The following SYNPR variants were observed in gnomAD, a reference collection of about 807,000 sequenced individuals.
SYNPR encodes synaptoporin.
A neutral mutation model predicts 32.9 loss-of-function variants in SYNPR; 23 were observed. The ratio of observed to expected loss-of-function variants is 0.70; its 90% confidence interval spans 0.50 to 0.99. The LOEUF (loss-of-function observed/expected upper bound fraction) is 0.99. Among genes scored for constraint, SYNPR ranks in the 50% least tolerant of loss-of-function variants. The pLI is 0.00. For synonymous variants in SYNPR, 146 were observed against 135.9 expected (o/e 1.07, Z -0.52); for missense variants, 318 against 349.3 (o/e 0.91, Z 0.71).
chr3:63,510,150 G>T (rs1453386142), intron 3 of SYNPR, among the ~76,000 whole-genome samples: 1 of 152,116 alleles, frequency 6.6e-6, no homozygotes, highest in East Asian at 1.9e-4. Context: ...ACCTTAATTT[G>T]AAAGGATTAT....
At chr3:63,310,998 T>C (rs2086957720) in intron 2 of SYNPR, among the ~76,000 whole-genome samples, 2 of 65,114 alleles carry the variant, frequency 3.1e-5, no homozygotes, top group Non-Finnish European at 9.4e-5. Flanking sequence ...AACACATAGA[T>C]GTCATTTATG....
rs548756997 is a variant in SYNPR at position 63,259,961 on chromosome 3, T to C, written n.155-7356T>C. ...AGAGAGCCAAATCATGAGTGAACTC[T>C]CATTCACAATTTCTTCAAAGAGAAT... On this transcript the variant is annotated intron_variant and non_coding_transcript_variant, in intron 2 of 4. Transcript: ENST00000478456. Among the ~76,000 whole-genome samples, 529 of 152,212 alleles carry C rather than the reference T, an allele frequency of 3.5e-3. 6 individuals are homozygous for C. The highest frequency in any genetic ancestry group is 0.012 in the African/African-American group (501 of 41,518).
chr3:63,250,208 T>C (rs1156807742), intron 1 of SYNPR, among the ~76,000 whole-genome samples: 2 of 152,166 alleles, frequency 1.3e-5, no homozygotes, highest in Non-Finnish European at 1.5e-5. Context: ...CACAAAGGAA[T>C]TGTAAATGTT....
At chr3:63,551,600 ACT>A (rs1480008119) in intron 3 of SYNPR, among the ~76,000 whole-genome samples, 1 of 151,964 alleles carries the variant, frequency 6.6e-6, no homozygotes, top group African/African-American at 2.4e-5. Flanking sequence ...CCAATCTTAT[ACT>A]CTTTCTTTTT....
rs936592719 is a variant in SYNPR at position 63,300,538 on chromosome 3, C to T, written c.84+21796C>T. Among the ~76,000 whole-genome samples, 5 of 152,080 alleles carry T rather than the reference C, an allele frequency of 3.3e-5. No individual in the cohort carries two copies. In the South Asian group the frequency reaches 6.2e-4, roughly 19 times the overall value. On this transcript the variant is annotated intron_variant, in intron 2 of 5. Transcript: ENST00000478300. ...GGTTACTGCATAGCCTTTTCTCCCT[C>T]CCACAGCTGTTGTGAATGTTGACTA...
chr3:63,462,220 C>G (rs72885468), intron 2 of SYNPR, among the ~76,000 whole-genome samples: 2,103 of 152,166 alleles, frequency 0.014, 54 homozygotes, highest in African/African-American at 0.048. Context: ...CTCAAAGAAG[C>G]CTTCCTTGTT....
intron 2 of SYNPR, among the ~76,000 whole-genome samples, chr3:63,398,236 G>GT (rs1359995644): frequency 4.6e-5 from 7 of 152,292 alleles, no homozygotes; most frequent in Admixed American, 2.0e-4. Flanking sequence ...TAGATAGAGC[G>GT]TAAGAGCTGG....
chr3:63,407,044 A>G (rs1389023647), intron 2 of SYNPR, among the ~76,000 whole-genome samples: 2 of 152,170 alleles, frequency 1.3e-5, no homozygotes, highest in Non-Finnish European at 2.9e-5. Context: ...TTATAATTGG[A>G]GGATTGAAAA....
intron 2 of SYNPR, among the ~76,000 whole-genome samples, chr3:63,315,865 T>G (rs2087038541): frequency 6.6e-6 from 1 of 151,930 alleles, no homozygotes; most frequent in African/African-American, 2.4e-5. Context: ...GTATTATGTT[T>G]GCTGTGGGTT....
chr3:63,383,194 C>T (rs1289042791), intron 2 of SYNPR, among the ~76,000 whole-genome samples: 1 of 152,068 alleles, frequency 6.6e-6, no homozygotes, highest in Admixed American at 6.5e-5. Context: ...TTTATTTCAG[C>T]CATAATAAAA....
intron 3 of SYNPR, among the ~76,000 whole-genome samples, chr3:63,513,643 G>T (rs1310218375): frequency 1.3e-5 from 2 of 152,092 alleles, no homozygotes; most frequent in Non-Finnish European, 2.9e-5. Context: ...ATTTGAGGGA[G>T]AATAGAGCCA....
At chr3:63,353,042 T>C (rs2087531075) in intron 2 of SYNPR, among the ~76,000 whole-genome samples, 1 of 152,178 alleles carries the variant, frequency 6.6e-6, no homozygotes, top group African/African-American at 2.4e-5. Context: ...CAAATAATAA[T>C]TGTATATATT....
chr3:63,412,409 C>T (rs145695538), intron 2 of SYNPR, among the ~76,000 whole-genome samples: 1 of 152,268 alleles, frequency 6.6e-6, no homozygotes, highest in African/African-American at 2.4e-5. Context: ...GAACATTCAT[C>T]TATTTATTCC....
intron 3 of SYNPR, among the ~76,000 whole-genome samples, chr3:63,488,202 A>T (rs947483588): frequency 2.0e-5 from 3 of 152,198 alleles, no homozygotes; most frequent in African/African-American, 7.2e-5. Flanking sequence ...GCAATTTTTT[A>T]TATCTTGTGT....
At chr3:63,304,540 T>C (rs2086890642) in intron 2 of SYNPR, among the ~76,000 whole-genome samples, 1 of 152,042 alleles carries the variant, frequency 6.6e-6, no homozygotes, top group Non-Finnish European at 1.5e-5. Context: ...CTTTCATTTC[T>C]TGTGAAAAGA....
intron 2 of SYNPR, among the ~76,000 whole-genome samples, chr3:63,452,277 G>C (rs1223555064): frequency 6.6e-6 from 1 of 152,118 alleles, no homozygotes; most frequent in African/African-American, 2.4e-5. Context: ...CAATCTAGTC[G>C]GGGGGACAGG....
chr3:63,304,479 G>A (rs1211732981), intron 2 of SYNPR, among the ~76,000 whole-genome samples: 4 of 151,852 alleles, frequency 2.6e-5, no homozygotes, highest in Admixed American at 6.6e-5. Context: ...CCAAAGAAAT[G>A]GCATAACCTA....
intron 3 of SYNPR, among the ~76,000 whole-genome samples, chr3:63,543,046 A>G (rs1033103281): frequency 2.6e-5 from 4 of 152,120 alleles, no homozygotes; most frequent in African/African-American, 9.7e-5. Flanking sequence ...ATCATATTAG[A>G]AATCATAACT....
intron 2 of SYNPR, among the ~76,000 whole-genome samples, chr3:63,294,412 T>C (rs1027250887): frequency 3.9e-5 from 6 of 152,236 alleles, no homozygotes; most frequent in Non-Finnish European, 5.9e-5. Context: ...AATGAGATTG[T>C]ACATTTTTGG....
Sources: allele counts gnomAD v4.1 joint callset (sites outside exome capture counted in the v4.1 genomes callset), GRCh38; gene constraint gnomAD v4.1.1; transcripts MANE v1.5; gene names NCBI Gene and HGNC (gene_info 2026-07-23, HGNC 2026-07-21).